KIF26B: variants seen among roughly 807,000 people sequenced by gnomAD.
The protein encoded by KIF26B is kinesin family member 26B.
In KIF26B, 63 loss-of-function variants were observed where a neutral mutation model predicts 151.2. The ratio of observed to expected loss-of-function variants is 0.42; its 90% confidence interval spans 0.34 to 0.51. The LOEUF (loss-of-function observed/expected upper bound fraction) is 0.51. KIF26B is among the 20% of genes least tolerant of loss of function. KIF26B has a pLI of 0.07. For missense variants in KIF26B, 2,813 were observed against 2,913.6 expected (o/e 0.97, Z 0.79); for synonymous variants, 1,357 against 1,262.1 (o/e 1.08, Z -1.59).
chr1:245,670,245 C>CATATATATATAT (rs10584392), intron 10 of KIF26B, among the ~76,000 whole-genome samples: 7 of 134,740 alleles, frequency 5.2e-5, no homozygotes, highest in Non-Finnish European at 8.0e-5. Context: ...TGTGTATATC[C>CATATATATATAT]ATATATATAT....
intron 10 of KIF26B, among the ~76,000 whole-genome samples, chr1:245,651,798 G>A (rs1186884595): frequency 6.6e-6 from 1 of 152,192 alleles, no homozygotes; most frequent in African/African-American, 2.4e-5. Context: ...TCTAATGCCT[G>A]ATGATCTGAG....
At chr1:245,394,716 G>A (rs1452889107) in intron 3 of KIF26B, among the ~76,000 whole-genome samples, 3 of 123,570 alleles carry the variant, frequency 2.4e-5, no homozygotes, top group Non-Finnish European at 4.8e-5. Flanking sequence ...TTGAGATGGA[G>A]TTTCACTCTT....
At chr1:245,680,332 A>T (rs1371601874) in intron 10 of KIF26B, among the ~76,000 whole-genome samples, 1 of 152,220 alleles carries the variant, frequency 6.6e-6, no homozygotes, top group Non-Finnish European at 1.5e-5. Context: ...AGGGCTCACC[A>T]GCAGCTCTAC....
chr1:245,188,575 T>G (rs1430009211), intron 2 of KIF26B, among the ~76,000 whole-genome samples: 4 of 152,222 alleles, frequency 2.6e-5, no homozygotes, highest in African/African-American at 9.6e-5. Context: ...CTTACAAAGA[T>G]GTACAGATTT....
chr1:245,439,538 AT>A (rs1021584892), intron 4 of KIF26B, among the ~76,000 whole-genome samples: 5 of 152,044 alleles, frequency 3.3e-5, no homozygotes, highest in African/African-American at 4.8e-5. Context: ...CTCATTAACT[AT>A]TTTTTCCCCC....
intron 3 of KIF26B, among the ~76,000 whole-genome samples, chr1:245,368,667 T>C (rs1214363847): frequency 6.6e-6 from 1 of 152,136 alleles, no homozygotes; most frequent in Non-Finnish European, 1.5e-5. Flanking sequence ...CTCAGACTTC[T>C]TCCACCAAAT....
chr1:245,357,736 AG>A (rs1672731137), intron 2 of KIF26B, among the ~76,000 whole-genome samples: 1 of 152,100 alleles, frequency 6.6e-6, no homozygotes, highest in Non-Finnish European at 1.5e-5. Flanking sequence ...TGGGAAATGT[AG>A]GGGCTTCCAT....
At chr1:245,189,338 T>A (rs974870179) in intron 2 of KIF26B, among the ~76,000 whole-genome samples, 1 of 152,236 alleles carries the variant, frequency 6.6e-6, no homozygotes, top group Non-Finnish European at 1.5e-5. Context: ...TGGTTAACTT[T>A]TCAATATCAT....
intron 6 of KIF26B, among the ~76,000 whole-genome samples, chr1:245,605,299 G>A (rs969959265): frequency 6.6e-6 from 1 of 152,202 alleles, no homozygotes; most frequent in Non-Finnish European, 1.5e-5. Flanking sequence ...GCTGGCCAGG[G>A]CAAACTCAGC....
chr1:245,479,496 T>G (rs537999769), intron 4 of KIF26B, among the ~76,000 whole-genome samples: 2 of 151,928 alleles, frequency 1.3e-5, no homozygotes, highest in African/African-American at 4.8e-5. Flanking sequence ...TGTTGTTATA[T>G]TTTTGTTCTC....
intron 10 of KIF26B, among the ~76,000 whole-genome samples, chr1:245,654,922 G>A (rs997622720): frequency 6.6e-6 from 1 of 152,244 alleles, no homozygotes; most frequent in Non-Finnish European, 1.5e-5. Context: ...TGGCAAGTGA[G>A]ATCACGAGCT....
chr1:245,202,284 T>G (rs1419612231), intron 2 of KIF26B, among the ~76,000 whole-genome samples: 1 of 152,140 alleles, frequency 6.6e-6, no homozygotes, highest in Admixed American at 6.5e-5. Flanking sequence ...CTACCTTAAC[T>G]AAGTTTGTCC....
chr1:245,414,358 A>C (rs1674366712), intron 3 of KIF26B, among the ~76,000 whole-genome samples: 1 of 152,208 alleles, frequency 6.6e-6, no homozygotes, highest in Non-Finnish European at 1.5e-5. Context: ...TCAACTCCTC[A>C]AGTCCCTCAA....
chr1:245,427,600 C>G (rs1315772198), intron 4 of KIF26B, among the ~76,000 whole-genome samples: 1 of 152,170 alleles, frequency 6.6e-6, no homozygotes, highest in South Asian at 2.1e-4. Context: ...AAGGGTGAGA[C>G]TCTGTCTCAA....
chr1:245,443,320 GGTCATCTCCCTCACTGTTCACCTAGAGCT>G, intron 4 of KIF26B, among the ~76,000 whole-genome samples: 5 of 141,784 alleles, frequency 3.5e-5, no homozygotes, highest in Non-Finnish European at 6.1e-5. Context: ...CACCTAAAGC[GGTCATCTCCCTCACTGTTCACCTAGAGCT>G]GTCATCTCCC....
rs1212503844 is a variant in KIF26B at position 245,261,495 on chromosome 1, CT to C, written c.465+104813del. ...TCTCTCTCTCTCTCTCTCTCTCTCT[CT>C]CTCTCTCCCTCCCTCCCTCCCTCCC... On this transcript the variant is annotated intron_variant, in intron 2 of 14. Transcript: ENST00000407071. Among the ~76,000 whole-genome samples the C allele has an allele frequency of 8.8e-3, 1,007 of 113,830 alleles. 6 individuals carry two copies. Among genetic ancestry groups the C allele is most frequent in the African/African-American group, 0.015 (383 of 25,402 alleles). The allele number at this position is 113,830 out of a possible 152,430, so 74.7% of individuals were successfully genotyped here.
At position 245,667,348 on chromosome 1, in the gene KIF26B, T is replaced by A. The variant is rs149063031; in HGVS notation, c.2259-16885T>A. Reference sequence around the variant, plus strand: ...GTGCCACCATGCCCGGCTACTTTTTTAAATATTTTTAATAGAGATGGGGTT... The same window carrying A: ...GTGCCACCATGCCCGGCTACTTTTTAAAATATTTTTAATAGAGATGGGGTT... On this transcript the variant is annotated intron_variant, in intron 10 of 14. Coordinates refer to ENST00000407071, the MANE Select transcript of KIF26B (RefSeq NM_018012.4). This position sits in a 1 kb window ranked among gnomAD's most constrained non-coding sequence, Gnocchi z 4.3. 0.028 allele frequency among the ~76,000 whole-genome samples: 4,292 copies of A among 152,096 alleles called. 78 individuals carry two copies. The highest frequency in any genetic ancestry group is 0.092 in the Middle Eastern group (27 of 294).
chr1:245,616,981 T>C (rs1262105781), intron 9 of KIF26B, among the ~76,000 whole-genome samples: 2 of 152,214 alleles, frequency 1.3e-5, no homozygotes, highest in Non-Finnish European at 2.9e-5. Context: ...GAGGGCTTTG[T>C]AGGCTGGGCT....
intron 5 of KIF26B, among the ~76,000 whole-genome samples, chr1:245,589,151 T>C (rs2043259349): frequency 6.6e-6 from 1 of 152,212 alleles, no homozygotes; most frequent in Non-Finnish European, 1.5e-5. Flanking sequence ...ACCCAAAAGA[T>C]CCCTTCGGTG....
Sources: gnomAD v4.1 joint callset for allele counts (sites outside exome capture counted in the v4.1 genomes callset) on GRCh38, gnomAD v4.1.1 for gene constraint, Gnocchi (gnomAD v3.1) non-coding constraint, MANE v1.5 for transcripts, NCBI Gene and HGNC (gene_info 2026-07-23, HGNC 2026-07-21) for gene names.